The following ACOT6 variants were observed in gnomAD, a reference collection of about 807,000 sequenced individuals.
ACOT6 encodes the protein acyl-coenzyme A thioesterase 6.
A neutral mutation model predicts 12.3 loss-of-function variants in ACOT6; 14 were observed. The observed-to-expected ratio is 1.14, with a 90% confidence interval of 0.75 to 1.78. The LOEUF (loss-of-function observed/expected upper bound fraction) is 1.78. Among genes scored for constraint, ACOT6 ranks in the 40% most tolerant of loss-of-function variants. The pLI, the probability that ACOT6 is intolerant of heterozygous loss-of-function variation, is 0.00. For synonymous variants in ACOT6, 218 were observed against 231.3 expected, an observed-to-expected ratio of 0.94 and a Z score of 0.52; for missense variants, 523 against 551.8, an observed-to-expected ratio of 0.95 and a Z score of 0.52.
At chr14:73,616,037 G>C (rs1890531262) in intron 1 of ACOT6, among the ~76,000 whole-genome samples, 1 of 151,712 alleles carries the variant, frequency 6.6e-6, no homozygotes, top group South Asian at 2.1e-4. Context: ...TGTGATCACA[G>C]GTCACCACAA....
In ACOT6 at chr14:73,619,865, T is replaced by C; in HGVS notation, c.*26T>C. 6.5e-7 allele frequency: 1 copy of C among 1,534,226 alleles called. No homozygotes were observed. Among genetic ancestry groups the C allele is most frequent in the Non-Finnish European group, 8.7e-7 (1 of 1,150,024 alleles). On this transcript the variant is annotated 3_prime_UTR_variant, in exon 3 of 3. Transcript: ENST00000645972. The stretch of plus-strand genomic sequence containing the variant: ...CATTGTAGCCACAGACCAGATACCA[T>C]TAATAAAAATCCTATTCATACAACT...
rs1890470227 is a variant in ACOT6 at position 73,612,794 on chromosome 14, C to T, written c.223C>T (p.Leu75Phe). The change falls in exon 1 of 3, where the codon CTC becomes TTC. Residue 75 changes from leucine (L) to phenylalanine (F), a missense_variant. By Grantham distance (22) the Leu-to-Phe change is conservative. Coordinates refer to ENST00000645972, the MANE Select transcript of ACOT6 (RefSeq NM_001365788.1). Reference protein sequence around the residue: ...APALGGSFAGLQPMGLLWALE... With the variant: ...APALGGSFAGFQPMGLLWALE... ...CGCGCTGGGAGGCAGCTTCGCGGGG[C>T]TCCAGCCCATGGGGCTGCTGTGGGC... is the stretch of plus-strand genomic sequence containing the variant. 7.2e-7 allele frequency: 1 copy of T among 1,379,500 alleles called. No individual in the cohort carries two copies. Among genetic ancestry groups the T allele is most frequent in the East Asian group, 3.0e-5 (1 of 32,808 alleles). 85.5% of individuals were successfully genotyped at this position (1,379,500 alleles called of 1,614,324 possible). A position where few individuals can be genotyped will look rare whatever the true frequency, so the allele number is the denominator to read the frequency against.
chr14:73,619,170 A>G (rs1487258824), intron 2 of ACOT6, 64 bp from the exon 3 acceptor site: 13 of 1,500,112 alleles, frequency 8.7e-6, no homozygotes, highest in Non-Finnish European at 1.2e-5. Flanking sequence ...AGAATGTAAA[A>G]TCACTGTCTG....
chr14:73,618,033 C>T (rs1890569852), intron 2 of ACOT6, among the ~76,000 whole-genome samples: 1 of 151,942 alleles, frequency 6.6e-6, no homozygotes. Context: ...ATCCCAGCTA[C>T]TCGGGAGGCT....
upstream of ACOT6, chr14:73,611,489 T>A (rs1890444069): frequency 6.6e-6 from 1 of 152,202 alleles, no homozygotes; most frequent in Non-Finnish European, 1.5e-5. Context: ...AGATAGTACC[T>A]TTATAAAACT....
chr14:73,614,099 G>A (rs183590278), intron 1 of ACOT6, among the ~76,000 whole-genome samples: 1 of 151,850 alleles, frequency 6.6e-6, no homozygotes, highest in Non-Finnish European at 1.5e-5. Flanking sequence ...TGCTTGGGAG[G>A]CTGAGGTGGG....
rs115479280 is a variant in ACOT6 at position 73,612,689 on chromosome 14, G to A, written c.118G>A (p.Asp40Asn). The A allele has an allele frequency of 1.9e-3, 2,700 of 1,406,230 alleles. 37 individuals carry two copies. In the African/African-American group the frequency reaches 0.037, roughly 19 times the overall value. The allele number at this position is 1,406,230 out of a possible 1,614,324, so 87.1% of individuals were successfully genotyped here. A position where few individuals can be genotyped will look rare whatever the true frequency, so the allele number is the denominator to read the frequency against. ...QPVTLRTSLR[D>N]EEGALFRAHA... ...AGTCACGCTGCGCACGTCCCTGCGCGACGAAGAGGGCGCGCTCTTCCGGGC... is the reference window on the plus strand; with the variant it reads ...AGTCACGCTGCGCACGTCCCTGCGCAACGAAGAGGGCGCGCTCTTCCGGGC... Residue 40 changes from aspartate (D) to asparagine (N), a missense_variant, in exon 1 of 3, where the codon GAC becomes AAC. Physicochemically the swap from Asp to Asn is conservative, Grantham distance 23 (BLOSUM62 1). Transcript: ENST00000645972.
chr14:73,612,017 A>G (rs990552029), upstream of ACOT6, among the ~76,000 whole-genome samples: 2 of 149,902 alleles, frequency 1.3e-5, no homozygotes, highest in African/African-American at 4.9e-5. Flanking sequence ...CACTCACCAC[A>G]TTGGATTGCA....
chr14:73,612,727 C>A lies in ACOT6; in HGVS notation c.156C>A (p.Tyr52Ter). The change falls in exon 1 of 3, where the codon TAC (tyrosine) becomes TAA (stop). Residue 52 changes from tyrosine to a stop codon, truncating the protein, a stop_gained. Transcript: ENST00000645972. LOFTEE classifies it high-confidence loss of function. Reference sequence around the variant, plus strand: ...CGCTCTTCCGGGCCCACGCGCGCTACCGTGCCGACGCCCGCGACGAGCTGG... The same window carrying A: ...CGCTCTTCCGGGCCCACGCGCGCTAACGTGCCGACGCCCGCGACGAGCTGG... ...EGALFRAHAR[Y>*]RADARDELDL... 1 of 1,371,920 alleles carries A rather than the reference C, an allele frequency of 7.3e-7. No homozygotes were observed. Among genetic ancestry groups the A allele is most frequent in the Non-Finnish European group, 9.3e-7 (1 of 1,069,994 alleles). 85.0% of individuals were successfully genotyped at this position (1,371,920 alleles called of 1,614,324 possible).
At chr14:73,615,027 T>G (rs1890509756) in intron 1 of ACOT6, among the ~76,000 whole-genome samples, 1 of 146,066 alleles carries the variant, frequency 6.8e-6, no homozygotes, top group Non-Finnish European at 1.5e-5. Flanking sequence ...GGGCAGAGGT[T>G]GCAGTGAGCC....
In ACOT6 at chr14:73,619,359, AGC is replaced by A; in HGVS notation, c.787_788del (p.Ala263SerfsTer11). On this transcript the variant is annotated frameshift_variant, in exon 3 of 3. Transcript: ENST00000645972. LOFTEE classifies it low-confidence loss of function (END_TRUNC). ...TCAATGCCTGTGTAGCCAACACAGT[AGC>A]TCCTCTACATTACAAGGATATGATT... ...LINACVANTV[A>X]PLHYKDMIIP... 1.2e-6 allele frequency: 2 copies of A among 1,614,196 alleles called. No homozygotes were observed. Among genetic ancestry groups the A allele is most frequent in the East Asian group, 4.5e-5 (2 of 44,884 alleles).
At chr14:73,616,081 C>T (rs1890531990) in intron 1 of ACOT6, among the ~76,000 whole-genome samples, 1 of 151,994 alleles carries the variant, frequency 6.6e-6, no homozygotes, top group African/African-American at 2.4e-5. Flanking sequence ...ATCCTCCCGC[C>T]TCTTCCTCCT....
At chr14:73,615,407 AC>A (rs869299970) in intron 1 of ACOT6, among the ~76,000 whole-genome samples, 40,251 of 117,540 alleles carry the variant, frequency 0.34, 9,884 homozygotes, top group East Asian at 0.63. Flanking sequence ...AAAAAAAAAA[AC>A]AAAAAACAAA....
At chr14:73,616,694 A>C (rs569588482) in intron 1 of ACOT6, 58 of 195,512 alleles carry the variant, frequency 3.0e-4, no homozygotes, top group Non-Finnish European at 5.0e-4. Flanking sequence ...GACTGTCAAA[A>C]AAAAATTTTT....
rs11846740 is a variant in ACOT6, at chr14:73,617,164, C to T, written c.632C>T (p.Ala211Val). Residue 211 changes from alanine to valine, a missense_variant, in exon 2 of 3, where the codon GCC (alanine) becomes GTC (valine). Physicochemically the swap from Ala to Val is moderately conservative, Grantham distance 64 (BLOSUM62 0). This residue lies in a region of ACOT6 where 219 missense variants were observed against 277.0 expected (regional missense o/e 0.79). Coordinates refer to ENST00000645972, the MANE Select transcript of ACOT6 (RefSeq NM_001365788.1). ...GTACATCTGGAGTACTTTGAAGAAG[C>T]CGTGGACTTTATGCTGCAGCATCCA... Reference protein sequence around the residue: ...NDVHLEYFEEAVDFMLQHPKV... With the variant: ...NDVHLEYFEEVVDFMLQHPKV... The T allele has an allele frequency of 6.4e-3, 10,321 of 1,614,100 alleles. 598 individuals carry two copies. In the African/African-American group the frequency reaches 0.12, roughly 19 times the overall value.
In ACOT6 at chr14:73,612,758, G is replaced by C; in HGVS notation, c.187G>C (p.Glu63Gln). Residue 63 changes from glutamate to glutamine, a missense_variant, in exon 1 of 3, where the codon GAG becomes CAG. By Grantham distance (29) the Glu-to-Gln change is conservative. Transcript: ENST00000645972. ...CGACGCCCGCGACGAGCTGGACCTG[G>C]AGCGCGCGCCCGCGCTGGGAGGCAG... The part of the protein sequence containing the change: ...RADARDELDL[E>Q]RAPALGGSFA... 2.9e-6 allele frequency: 4 copies of C among 1,372,640 alleles called. No homozygotes were observed. Among genetic ancestry groups the C allele is most frequent in the Non-Finnish European group, 3.7e-6 (4 of 1,071,478 alleles). 85.0% of individuals were successfully genotyped at this position (1,372,640 alleles called of 1,614,324 possible). A position where few individuals can be genotyped will look rare whatever the true frequency, so the allele number is the denominator to read the frequency against.
chr14:73,616,776 C>G (rs1008038670), intron 1 of ACOT6: 6 of 442,352 alleles, frequency 1.4e-5, no homozygotes, highest in African/African-American at 1.2e-4. Flanking sequence ...GTGATGAACG[C>G]TGAGATTTTA....
Position 73,612,934 on chromosome 14 carries a change from C to T in ACOT6, c.363C>T (p.Cys121=). 1.5e-6 allele frequency: 2 copies of T among 1,331,000 alleles called. No individual in the cohort carries two copies. Among genetic ancestry groups the T allele is most frequent in the Non-Finnish European group, 1.0e-6 (1 of 996,592 alleles). 82.4% of individuals were successfully genotyped at this position (1,331,000 alleles called of 1,614,324 possible). The change falls in exon 1 of 3, where the codon TGC becomes TGT. Residue 121 remains cysteine, a synonymous_variant. Coordinates refer to ENST00000645972, the MANE Select transcript of ACOT6 (RefSeq NM_001365788.1). ...GHDTEPGRLL[C]LAQNKRDFLR... ...ACACCGAGCCCGGGCGGCTGCTGTG[C>T]CTGGCGCAGAACAAGCGCGACTTTC... is the stretch of plus-strand genomic sequence containing the variant.
chr14:73,611,835 C>T (rs1322555878), upstream of ACOT6, among the ~76,000 whole-genome samples: 1 of 152,020 alleles, frequency 6.6e-6, no homozygotes, highest in African/African-American at 2.4e-5. Flanking sequence ...TACCATTAGC[C>T]CTGGAAAAAA....
Sources: allele counts gnomAD v4.1 joint callset (sites outside exome capture counted in the v4.1 genomes callset), GRCh38; gene constraint gnomAD v4.1.1; regional missense constraint gnomAD v4.1.1; transcripts MANE v1.5; gene names NCBI Gene and HGNC (gene_info 2026-07-23, HGNC 2026-07-21).